PPP2R2B: variants seen among roughly 807,000 people sequenced by gnomAD.
The protein encoded by PPP2R2B is protein phosphatase 2 regulatory subunit Bbeta.
Under a neutral mutation model 46.0 loss-of-function variants are expected in PPP2R2B, and 5 were observed. The ratio of observed to expected loss-of-function variants is 0.11; its 90% confidence interval spans 0.06 to 0.23. The LOEUF (loss-of-function observed/expected upper bound fraction) is 0.23. PPP2R2B is among the 10% of genes least tolerant of loss of function. The pLI is 1.00. For missense variants in PPP2R2B, 367 were observed against 575.0 expected (o/e 0.64, Z 3.70); for synonymous variants, 215 against 206.7 (o/e 1.04, Z -0.34).
intron 1 of PPP2R2B, among the ~76,000 whole-genome samples, chr5:147,004,533 G>A (rs2151872005): frequency 6.6e-6 from 1 of 152,284 alleles, no homozygotes; most frequent in East Asian, 1.9e-4. Context: ...CTATAACCAG[G>A]TATTTCTCCC....
intron 1 of PPP2R2B, among the ~76,000 whole-genome samples, chr5:146,996,503 T>C (rs891453315): frequency 6.6e-6 from 1 of 152,128 alleles, no homozygotes; most frequent in African/African-American, 2.4e-5. Flanking sequence ...ACGGGATTGT[T>C]ACCCTGTTGG....
In PPP2R2B at chr5:146,757,286, T is replaced by A. The variant is rs573542454; in HGVS notation, c.71-56144A>T. Among the ~76,000 whole-genome samples the A allele has an allele frequency of 2.0e-5, 3 of 152,316 alleles. No individual in the cohort carries two copies. The South Asian group carries it at 6.2e-4, about 32-fold the overall frequency. ...TTTAGAAGTAGAGCGGGAACATGGT[T>A]TTATATAAATTTATGACATTTAGTG... is the stretch of plus-strand genomic sequence containing the variant. On this transcript the variant is annotated intron_variant, in intron 2 of 9. Coordinates refer to ENST00000394411, the MANE Select transcript of PPP2R2B (RefSeq NM_181675.4).
chr5:146,735,841 G>GA (rs1281625823), intron 2 of PPP2R2B, among the ~76,000 whole-genome samples: 1 of 152,150 alleles, frequency 6.6e-6, no homozygotes, highest in African/African-American at 2.4e-5. Flanking sequence ...GTCATCTATT[G>GA]CTTGATTTGA....
intron 1 of PPP2R2B, among the ~76,000 whole-genome samples, chr5:146,906,479 C>T (rs1250389310): frequency 1.3e-5 from 2 of 152,112 alleles, no homozygotes; most frequent in African/African-American, 4.8e-5. Context: ...TGCGCCACCA[C>T]GCCCAGCTAA....
chr5:146,865,258 C>A lies in PPP2R2B; in HGVS notation c.70+12744G>T, dbSNP rs1006235767. ...TAGATGATGTTGTTTTGCATAGAAT[C>A]CTAGCATTCTCCATTCATCTCTCTC... On this transcript the variant is annotated intron_variant, in intron 2 of 9. Transcript: ENST00000394411. Among the ~76,000 whole-genome samples, 10 of 151,334 alleles carry A rather than the reference C, an allele frequency of 6.6e-5. 1 individual carries two copies. The East Asian group carries it at 2.0e-3, about 30-fold the overall frequency.
chr5:146,808,958 G>GGTGT (rs35023590), intron 2 of PPP2R2B, among the ~76,000 whole-genome samples: 3,587 of 146,342 alleles, frequency 0.025, 72 homozygotes, highest in East Asian at 0.056. Flanking sequence ...TGCTAACACT[G>GGTGT]GTGTGTGTGT....
At chr5:146,891,245 T>C (rs1762483373) in intron 1 of PPP2R2B, among the ~76,000 whole-genome samples, 1 of 152,212 alleles carries the variant, frequency 6.6e-6, no homozygotes, top group East Asian at 1.9e-4. Context: ...TTCTTAATCA[T>C]GTTGTGTTCT....
chr5:146,603,664 G>T (rs1191057824), intron 7 of PPP2R2B, among the ~76,000 whole-genome samples: 1 of 152,010 alleles, frequency 6.6e-6, no homozygotes, highest in African/African-American at 2.4e-5. Flanking sequence ...TCCTTCCTTG[G>T]GTAATAGCAT....
intron 6 of PPP2R2B, among the ~76,000 whole-genome samples, chr5:146,649,652 G>A (rs191063345): frequency 5.3e-5 from 8 of 152,154 alleles, no homozygotes; most frequent in African/African-American, 1.2e-4. Context: ...GCCTTGCCAC[G>A]TTGGCTAAGC....
intron 6 of PPP2R2B, among the ~76,000 whole-genome samples, chr5:146,642,978 G>A (rs548666431): frequency 1.9e-4 from 29 of 152,292 alleles, no homozygotes; most frequent in African/African-American, 7.0e-4. Flanking sequence ...GATTGATTGA[G>A]CCTGGGAGGT....
At chr5:147,010,689 G>A (rs6876098) in intron 1 of PPP2R2B, among the ~76,000 whole-genome samples, 39,815 of 152,000 alleles carry the variant, frequency 0.26, 6,009 homozygotes, top group African/African-American at 0.41. Context: ...CTTGCCCGCC[G>A]CTCACCTACT....
chr5:146,866,604 A>G (rs1761323322), intron 2 of PPP2R2B, among the ~76,000 whole-genome samples: 1 of 151,000 alleles, frequency 6.6e-6, no homozygotes, highest in African/African-American at 2.4e-5. Context: ...TAAATTATAT[A>G]TATATACACA....
chr5:146,801,261 G>A (rs1040043675), intron 2 of PPP2R2B, among the ~76,000 whole-genome samples: 20 of 152,276 alleles, frequency 1.3e-4, no homozygotes, highest in African/African-American at 3.9e-4. Flanking sequence ...GTACAGCAAT[G>A]TGACTATAGT....
chr5:147,032,612 G>C (rs968930926), intron 1 of PPP2R2B, among the ~76,000 whole-genome samples: 5 of 151,870 alleles, frequency 3.3e-5, no homozygotes, highest in African/African-American at 1.2e-4. Flanking sequence ...CAGATGTTTG[G>C]TGTTCCATTC....
At chr5:146,804,344 GAGA>G (rs1425596418) in intron 2 of PPP2R2B, among the ~76,000 whole-genome samples, 2 of 152,072 alleles carry the variant, frequency 1.3e-5, no homozygotes, top group African/African-American at 4.8e-5. Context: ...CCGATGCTTA[GAGA>G]AGACCAGTGA....
At chr5:146,667,511 G>A (rs796231639) in intron 5 of PPP2R2B, among the ~76,000 whole-genome samples, 3 of 152,012 alleles carry the variant, frequency 2.0e-5, no homozygotes, top group Non-Finnish European at 4.4e-5. Flanking sequence ...AAGCAGGGAG[G>A]TGAAGTAATA....
At chr5:146,812,040 G>A (rs1406995883) in intron 2 of PPP2R2B, among the ~76,000 whole-genome samples, 1 of 152,006 alleles carries the variant, frequency 6.6e-6, no homozygotes, top group Non-Finnish European at 1.5e-5. Flanking sequence ...CTGGATTAGT[G>A]GTCTTATTGG....
chr5:146,957,130 A>G (rs1751948586), intron 1 of PPP2R2B, among the ~76,000 whole-genome samples: 2 of 152,172 alleles, frequency 1.3e-5, no homozygotes, highest in African/African-American at 2.4e-5. Context: ...ATATTGTCCA[A>G]TATTTTACCA....
chr5:146,845,060 C>T (rs983209965), intron 2 of PPP2R2B, among the ~76,000 whole-genome samples: 2 of 152,172 alleles, frequency 1.3e-5, no homozygotes, highest in Non-Finnish European at 2.9e-5. Context: ...CAGCTTTCAG[C>T]CATGTTCACT....
Sources: allele counts gnomAD v4.1 joint callset (sites outside exome capture counted in the v4.1 genomes callset), GRCh38; gene constraint gnomAD v4.1.1; transcripts MANE v1.5; gene names NCBI Gene and HGNC (gene_info 2026-07-23, HGNC 2026-07-21).